BMP7: variants seen among roughly 807,000 people sequenced by gnomAD.
BMP7 encodes osteogenic protein 1.
In BMP7, 12 loss-of-function variants were observed where a neutral mutation model predicts 41.2. The ratio of observed to expected loss-of-function variants is 0.29; its 90% confidence interval spans 0.19 to 0.47. The LOEUF is 0.47. Ranked by LOEUF, BMP7 falls within the 20% of genes least tolerant of loss-of-function variation. The pLI is 0.99. For missense variants in BMP7, 467 were observed against 606.0 expected, an observed-to-expected ratio of 0.77 and a Z score of 2.41; for synonymous variants, 248 against 250.0, an observed-to-expected ratio of 0.99 and a Z score of 0.07.
At chr20:57,235,675 G>A (rs952253296) in intron 1 of BMP7, among the ~76,000 whole-genome samples, 11 of 152,200 alleles carry the variant, frequency 7.2e-5, no homozygotes, top group African/African-American at 1.7e-4. Context: ...CAGCATGATC[G>A]AGGGCTCGAC....
chr20:57,180,344 C>G (rs1600728816), intron 4 of BMP7, among the ~76,000 whole-genome samples: 1 of 151,352 alleles, frequency 6.6e-6, no homozygotes, highest in East Asian at 2.0e-4. Flanking sequence ...CCAAAGGCGC[C>G]AGGAAACCCC....
intron 1 of BMP7, among the ~76,000 whole-genome samples, chr20:57,256,365 G>A (rs78869108): frequency 0.013 from 2,030 of 152,318 alleles, 27 homozygotes; most frequent in Non-Finnish European, 0.022. Flanking sequence ...TGAATCTTGT[G>A]AGAGACACTT....
chr20:57,194,837 C>A (rs1984455841), intron 3 of BMP7, among the ~76,000 whole-genome samples: 1 of 152,216 alleles, frequency 6.6e-6, no homozygotes, highest in African/African-American at 2.4e-5. Flanking sequence ...GAGTCCACAC[C>A]CTGGCCCAGC....
Position 57,173,313 on chromosome 20 carries a change from G to C in BMP7, c.1036-3C>G. ...CCTTCAGGCGCGATGATCCAGTCCTGAGGAGGAGAAGAGAGTGTGGGAAAC... is the reference window on the plus strand; with the variant it reads ...CCTTCAGGCGCGATGATCCAGTCCTCAGGAGGAGAAGAGAGTGTGGGAAAC... On this transcript the variant is annotated splice_region_variant and splice_polypyrimidine_tract_variant and intron_variant, in intron 5 of 6. Coordinates refer to ENST00000395863, the MANE Select transcript of BMP7 (RefSeq NM_001719.3). The C allele has an allele frequency of 6.2e-7, 1 of 1,613,184 alleles. No individual in the cohort carries two copies. Among genetic ancestry groups the C allele is most frequent in the Non-Finnish European group, 8.5e-7 (1 of 1,179,204 alleles).
chr20:57,192,170 A>AATATATACTATATATTATATATAGT (rs1256001159), intron 3 of BMP7, among the ~76,000 whole-genome samples: 4 of 127,234 alleles, frequency 3.1e-5, no homozygotes, highest in South Asian at 2.2e-4. Flanking sequence ...ATAGATATAT[A>AATATATACTATATATTATATATAGT]ATATATACTA....
chr20:57,237,775 T>C (rs111226607), intron 1 of BMP7, among the ~76,000 whole-genome samples: 31 of 152,216 alleles, frequency 2.0e-4, no homozygotes, highest in African/African-American at 7.2e-4. Flanking sequence ...AGATAACACC[T>C]CCACTGTACT....
intron 1 of BMP7, among the ~76,000 whole-genome samples, chr20:57,247,034 C>A (rs1026894110): frequency 1.3e-5 from 2 of 152,008 alleles, no homozygotes; most frequent in Non-Finnish European, 2.9e-5. Context: ...ACATAGTAAG[C>A]CTTTGACAAA....
Position 57,233,769 on chromosome 20 carries a change from T to G in BMP7, c.419-5348A>C, listed in dbSNP as rs537937714. 2.0e-5 allele frequency among the ~76,000 whole-genome samples: 3 copies of G among 152,330 alleles called. No homozygotes were observed. In the South Asian group the frequency reaches 6.2e-4, roughly 32 times the overall value. ...AACCAAAGAAATTGGCAACCCACTC[T>G]GTAGACTTGCAAAGGGCAGCTGGTG... On this transcript the variant is annotated intron_variant, in intron 1 of 6. Coordinates refer to ENST00000395863, the MANE Select transcript of BMP7 (RefSeq NM_001719.3).
At chr20:57,180,250 A>G (rs1239229874) in intron 4 of BMP7, among the ~76,000 whole-genome samples, 1 of 152,072 alleles carries the variant, frequency 6.6e-6, no homozygotes, top group Non-Finnish European at 1.5e-5. Flanking sequence ...TTCAAACTCA[A>G]GACGTGACTC....
chr20:57,265,297 G>T (rs1294447320), intron 1 of BMP7, among the ~76,000 whole-genome samples: 1 of 152,196 alleles, frequency 6.6e-6, no homozygotes, highest in Non-Finnish European at 1.5e-5. Context: ...AGGCAGGGCT[G>T]AGAGGGGCCC....
At chr20:57,254,216 T>A (rs1257242471) in intron 1 of BMP7, among the ~76,000 whole-genome samples, 1 of 151,696 alleles carries the variant, frequency 6.6e-6, no homozygotes, top group South Asian at 2.1e-4. Context: ...AGAAACGGGG[T>A]TTCACCATGT....
chr20:57,172,334 A>C lies in BMP7; in HGVS notation c.1146+866T>G, dbSNP rs945699541. ...AGGGCTTTGGAAAACCAACACTTAA[A>C]AAAACAAACAAAGAAACAAAAACCC... On this transcript the variant is annotated intron_variant, in intron 6 of 6. Transcript: ENST00000395863. Among the ~76,000 whole-genome samples, 4 of 152,222 alleles carry C rather than the reference A, an allele frequency of 2.6e-5. No homozygotes were observed. The East Asian group carries it at 7.7e-4, about 29-fold the overall frequency.
chr20:57,178,332 G>A (rs537505063), intron 4 of BMP7, among the ~76,000 whole-genome samples: 14 of 152,264 alleles, frequency 9.2e-5, no homozygotes, highest in African/African-American at 2.9e-4. Flanking sequence ...CAGTGTGGGC[G>A]GAGGGAAGAT....
chr20:57,203,510 T>TG (rs1300164806), intron 2 of BMP7, among the ~76,000 whole-genome samples: 7 of 151,608 alleles, frequency 4.6e-5, no homozygotes, highest in Admixed American at 4.6e-4. Flanking sequence ...GATGAGTAGA[T>TG]GGGTGGGCGG....
At chr20:57,191,207 A>G (rs774991500) in intron 3 of BMP7, among the ~76,000 whole-genome samples, 2 of 152,220 alleles carry the variant, frequency 1.3e-5, no homozygotes, top group Non-Finnish European at 2.9e-5. Context: ...ATCATGAAGC[A>G]TCAACCAGTG....
In BMP7 at chr20:57,235,655, G is replaced by C. The variant is rs547096153; in HGVS notation, c.419-7234C>G. ...CAGAGGACAAGGAAGGGCACTGTAG[G>C]CAGAGGCAACAGCATGATCGAGGGC... On this transcript the variant is annotated intron_variant, in intron 1 of 6. Transcript: ENST00000395863. Among the ~76,000 whole-genome samples, 20 of 152,322 alleles carry C rather than the reference G, an allele frequency of 1.3e-4. No homozygotes were observed. The East Asian group carries it at 3.7e-3, about 28-fold the overall frequency.
At chr20:57,201,999 C>G (rs1014969462) in intron 3 of BMP7, among the ~76,000 whole-genome samples, 1 of 152,166 alleles carries the variant, frequency 6.6e-6, no homozygotes, top group African/African-American at 2.4e-5. Flanking sequence ...CACAATCTGG[C>G]GATGTCTGGA....
At chr20:57,250,294 T>TG in intron 1 of BMP7, among the ~76,000 whole-genome samples, 1 of 146,446 alleles carries the variant, frequency 6.8e-6, no homozygotes, top group South Asian at 2.1e-4. Flanking sequence ...TATATTTTTA[T>TG]TAAATATATT....
chr20:57,212,978 G>T (rs768673049), intron 2 of BMP7, among the ~76,000 whole-genome samples: 4 of 152,250 alleles, frequency 2.6e-5, no homozygotes, highest in Non-Finnish European at 4.4e-5. Flanking sequence ...AGTCAGGGAG[G>T]TCCAAGGCTT....
Sources: allele counts gnomAD v4.1 joint callset (sites outside exome capture counted in the v4.1 genomes callset), GRCh38; gene constraint gnomAD v4.1.1; transcripts MANE v1.5; gene names NCBI Gene and HGNC (gene_info 2026-07-23, HGNC 2026-07-21).